Variants in DOCK4 observed in about 807,000 individuals in gnomAD.
The protein encoded by DOCK4 is dedicator of cytokinesis protein 4.
Under a neutral mutation model 268.1 loss-of-function variants are expected in DOCK4, and 97 were observed. That is an observed-to-expected ratio of 0.36 (90% CI 0.31 to 0.43). The LOEUF (loss-of-function observed/expected upper bound fraction) is 0.43, where lower values mean the gene tolerates loss of function less well. Among genes scored for constraint, DOCK4 ranks in the 20% least tolerant of loss-of-function variants. The probability of loss-of-function intolerance (pLI) is 1.00; values close to 1 mark genes in which losing one functional copy is unlikely to be tolerated. For synonymous variants in DOCK4, 954 were observed against 887.2 expected (o/e 1.08, Z -1.34); for missense variants, 2,145 against 2,455.7 (o/e 0.87, Z 2.67).
chr7:111,881,745 A>G (rs112475567), intron 16 of DOCK4, among the ~76,000 whole-genome samples: 4,949 of 152,298 alleles, frequency 0.032, 267 homozygotes, highest in African/African-American at 0.11. Context: ...CTATTCAGCC[A>G]TAAAAAAGAA....
intron 30 of DOCK4, among the ~76,000 whole-genome samples, chr7:111,796,355 A>C (rs542600347): frequency 1.3e-5 from 2 of 152,356 alleles, no homozygotes; most frequent in Admixed American, 6.5e-5. Flanking sequence ...AACAAACATA[A>C]CTTAATTGTT....
rs778414227 is a variant in DOCK4 at position 111,868,172 on chromosome 7, TA to T, written c.2110-19del. On this transcript the variant is annotated intron_variant, in intron 21 of 52. Coordinates refer to ENST00000428084, the MANE Select transcript of DOCK4 (RefSeq NM_001363540.2). ...TCTTGTGCCTTAAAAATACAATTTT[TA>T]AAAGTTAGCTTCAAAGGAGACAAAG... The T allele has an allele frequency of 7.1e-6, 11 of 1,555,138 alleles. No homozygotes were observed. The African/African-American group carries it at 9.7e-5, about 14-fold the overall frequency.
intron 15 of DOCK4, among the ~76,000 whole-genome samples, chr7:111,897,990 C>A (rs568528151): frequency 2.0e-5 from 3 of 152,270 alleles, no homozygotes; most frequent in African/African-American, 7.2e-5. Context: ...CATCGTAATG[C>A]AGAACACTTT....
intron 1 of DOCK4, among the ~76,000 whole-genome samples, chr7:112,105,413 C>G (rs1442479736): frequency 6.6e-6 from 1 of 152,018 alleles, no homozygotes; most frequent in African/African-American, 2.4e-5. Flanking sequence ...GTTTGTACAA[C>G]TTCTTAATTC....
At chr7:111,991,506 AG>A (rs1280365008) in intron 5 of DOCK4, among the ~76,000 whole-genome samples, 3 of 152,238 alleles carry the variant, frequency 2.0e-5, no homozygotes, top group Non-Finnish European at 4.4e-5. Flanking sequence ...ATAAAAAAAC[AG>A]CAAAAGTTAA....
At chr7:112,034,869 T>G (rs1047336998) in intron 1 of DOCK4, among the ~76,000 whole-genome samples, 4 of 151,994 alleles carry the variant, frequency 2.6e-5, no homozygotes, top group Non-Finnish European at 5.9e-5. Context: ...GCCATTGCAC[T>G]CCAGCCTGGG....
chr7:111,769,507 CG>C (rs765312385), intron 37 of DOCK4, 21 bp downstream of exon 37: 14 of 1,612,556 alleles, frequency 8.7e-6, no homozygotes, highest in Non-Finnish European at 1.1e-5. Flanking sequence ...GGAGGGACCC[CG>C]GGCGGGGCAG....
chr7:111,840,522 GCTT>G (rs1803596632), intron 25 of DOCK4, among the ~76,000 whole-genome samples: 1 of 151,894 alleles, frequency 6.6e-6, no homozygotes, highest in South Asian at 2.1e-4. Flanking sequence ...TCACAATGGT[GCTT>G]TTTTGTTTTT....
intron 15 of DOCK4, among the ~76,000 whole-genome samples, chr7:111,896,013 C>A (rs1808718626): frequency 6.6e-6 from 1 of 152,122 alleles, no homozygotes; most frequent in African/African-American, 2.4e-5. Context: ...CCCAAAGTCC[C>A]ATTGAGGGCA....
At chr7:112,123,905 A>C (rs904304807) in intron 1 of DOCK4, among the ~76,000 whole-genome samples, 5 of 152,222 alleles carry the variant, frequency 3.3e-5, no homozygotes, top group African/African-American at 1.2e-4. Flanking sequence ...AAGTAACAGA[A>C]GGACTGTCTA....
In DOCK4 at chr7:111,983,844, ACGCG is replaced by A. The variant is rs57929541; in HGVS notation, c.549+458_549+461del. Among the ~76,000 whole-genome samples, 1,168 of 138,966 alleles carry A rather than the reference ACGCG, an allele frequency of 8.4e-3. 11 individuals carry two copies. The highest frequency in any genetic ancestry group is 0.037 in the East Asian group (171 of 4,684). The allele number at this position is 138,966 out of a possible 152,430, so 91.2% of individuals were successfully genotyped here. A position where few individuals can be genotyped will look rare whatever the true frequency, so the allele number is the denominator to read the frequency against. On this transcript the variant is annotated intron_variant, in intron 7 of 52. Coordinates refer to ENST00000428084, the MANE Select transcript of DOCK4 (RefSeq NM_001363540.2). ...AGTGCTATTATGTATGTACACACACACGCGCGCGCGCGCGCGCGCACACACACAC... is the reference window on the plus strand; with the variant it reads ...AGTGCTATTATGTATGTACACACACACGCGCGCGCGCGCGCACACACACAC...
intron 23 of DOCK4, among the ~76,000 whole-genome samples, chr7:111,852,000 G>A (rs1197091704): frequency 8.3e-6 from 1 of 119,836 alleles, no homozygotes; most frequent in Non-Finnish European, 1.6e-5. Context: ...GTCTCACTCT[G>A]TCATCCAGGC....
At chr7:112,118,208 G>C (rs17488126) in intron 1 of DOCK4, among the ~76,000 whole-genome samples, 18,861 of 151,316 alleles carry the variant, frequency 0.12, 1,589 homozygotes, top group Non-Finnish European at 0.2. Flanking sequence ...AATAACAACA[G>C]AACCATGGAG....
chr7:112,111,324 G>A (rs1035895389), intron 1 of DOCK4, among the ~76,000 whole-genome samples: 2 of 151,768 alleles, frequency 1.3e-5, no homozygotes, highest in Non-Finnish European at 2.9e-5. Context: ...GTGTGTGGAG[G>A]GAGGGGGTAG....
intron 1 of DOCK4, among the ~76,000 whole-genome samples, chr7:112,013,787 T>C (rs115133216): frequency 1.4e-5 from 2 of 145,098 alleles, no homozygotes; most frequent in African/African-American, 2.9e-5. Flanking sequence ...GAAGGCTTAG[T>C]CTGTACCCTA....
intron 1 of DOCK4, among the ~76,000 whole-genome samples, chr7:112,116,463 ACAT>A (rs1465397206): frequency 6.6e-6 from 1 of 152,236 alleles, no homozygotes; most frequent in Admixed American, 6.5e-5. Context: ...TTACGATCAT[ACAT>A]CAAAGAAAAG....
chr7:112,051,980 C>T (rs1296658141), intron 1 of DOCK4, among the ~76,000 whole-genome samples: 1 of 151,978 alleles, frequency 6.6e-6, no homozygotes, highest in African/African-American at 2.4e-5. Flanking sequence ...GTTCCAGGAC[C>T]TTCTGCAGAT....
At chr7:111,815,589 G>GATTTATTTATTTATTT (rs200633762) in intron 27 of DOCK4, among the ~76,000 whole-genome samples, 1 of 150,354 alleles carries the variant, frequency 6.7e-6, no homozygotes, top group African/African-American at 2.5e-5. Flanking sequence ...CCAAATTACT[G>GATTTATTTATTTATTT]ATTTATTTAT....
chr7:111,803,515 A>AT lies in DOCK4; in HGVS notation c.3166+5305dup, dbSNP rs1332145101. On this transcript the variant is annotated intron_variant, in intron 30 of 52. Transcript: ENST00000428084. ...AGAACAGCCTGCTAGGGAAGTATTG[A>AT]TTTTTTTTTCTACAGCAGTTACAAG... Among the ~76,000 whole-genome samples, 7 of 151,664 alleles carry AT rather than the reference A, an allele frequency of 4.6e-5. No homozygotes were observed. In the East Asian group the frequency reaches 9.6e-4, roughly 21 times the overall value.
Sources: gnomAD v4.1 joint callset for allele counts (sites outside exome capture counted in the v4.1 genomes callset) on GRCh38, gnomAD v4.1.1 for gene constraint, MANE v1.5 for transcripts, NCBI Gene and HGNC (gene_info 2026-07-23, HGNC 2026-07-21) for gene names.